PHF7: variants seen among roughly 807,000 people sequenced by gnomAD.
The protein encoded by PHF7 is E3 ubiquitin-protein ligase PHF7.
A neutral mutation model predicts 47.5 loss-of-function variants in PHF7; 24 were observed. That is an observed-to-expected ratio of 0.51 (90% confidence interval 0.37 to 0.71). PHF7 has a LOEUF of 0.71. Ranked by LOEUF, PHF7 falls within the 30% of genes least tolerant of loss-of-function variation. The probability of loss-of-function intolerance (pLI) is 0.00; values close to 1 mark genes in which losing one functional copy is unlikely to be tolerated. For missense variants in PHF7, 361 were observed against 456.8 expected (o/e 0.79, Z 1.91); for synonymous variants, 156 against 153.8 (o/e 1.01, Z -0.11).
rs955337421 is a variant in PHF7 at position 52,420,444 on chromosome 3, G to C, written c.413+9G>C. The C allele has an allele frequency of 1.2e-6, 2 of 1,613,806 alleles. No individual in the cohort carries two copies. Among genetic ancestry groups the C allele is most frequent in the Admixed American group, 3.3e-5 (2 of 59,974 alleles). On this transcript the variant is annotated intron_variant, in intron 6 of 10. Coordinates refer to ENST00000327906, the MANE Select transcript of PHF7 (RefSeq NM_016483.7). Reference sequence around the variant, plus strand: ...TTTTTTGGAGAGTACAAGTGAGTGAGGGAAGGGAAAAGTCTGGCTTCCTTT... The same window carrying C: ...TTTTTTGGAGAGTACAAGTGAGTGACGGAAGGGAAAAGTCTGGCTTCCTTT...
At position 52,420,763 on chromosome 3, in the gene PHF7, C is replaced by A. The variant is rs980986307; in HGVS notation, c.414-140C>A. ...AGCCGTGAGAAGGCATGTGGCAGTT[C>A]TTCACTCTGCCTCTCCTCTTCCCCA... is the stretch of plus-strand genomic sequence containing the variant. On this transcript the variant is annotated intron_variant, in intron 6 of 10. Transcript: ENST00000327906. 21 of 742,280 alleles carry A rather than the reference C, an allele frequency of 2.8e-5. No homozygotes were observed. The Admixed American group carries it at 5.6e-4, about 20-fold the overall frequency. 46.0% of individuals were successfully genotyped at this position (742,280 alleles called of 1,614,324 possible). A position where few individuals can be genotyped will look rare whatever the true frequency, so the allele number is the denominator to read the frequency against.
Position 52,422,865 on chromosome 3 carries a change from A to G in PHF7, c.903A>G (p.Ser301=), listed in dbSNP as rs766367415. The G allele has an allele frequency of 4.3e-6, 7 of 1,614,042 alleles. No individual in the cohort carries two copies. The change falls in exon 10 of 11, where the codon TCA becomes TCG. Residue 301 remains serine (S), a synonymous_variant. Coordinates refer to ENST00000327906, the MANE Select transcript of PHF7 (RefSeq NM_016483.7). ...NSKKWECEEC[S]PAAATDYIPE... ...AGAAATGGGAGTGTGAGGAGTGTTC[A>G]CCTGCTGCAGCCACAGGTGAGGCTG...
chr3:52,414,266 CA>C lies in PHF7; in HGVS notation c.95-221del, dbSNP rs3832250. 9.7e-4 allele frequency among the ~76,000 whole-genome samples: 146 copies of C among 149,904 alleles called. 2 individuals carry two copies. In the East Asian group the frequency reaches 0.024, roughly 25 times the overall value. On this transcript the variant is annotated intron_variant, in intron 3 of 10. Coordinates refer to ENST00000327906, the MANE Select transcript of PHF7 (RefSeq NM_016483.7). ...AAGTCACTTTAGAACAAAACAAAAC[CA>C]AAAAAAAATGAAGTGAGCAGTTGTG...
At chr3:52,419,148 C>T (rs897285871) in intron 4 of PHF7, among the ~76,000 whole-genome samples, 1 of 151,948 alleles carries the variant, frequency 6.6e-6, no homozygotes, top group Admixed American at 6.6e-5. Flanking sequence ...GGAAATGTTT[C>T]CCCCAAAGTC....
intron 1 of PHF7, among the ~76,000 whole-genome samples, chr3:52,411,733 A>G (rs1315140853): frequency 6.6e-6 from 1 of 152,220 alleles, no homozygotes; most frequent in Non-Finnish European, 1.5e-5. Context: ...CTCCCCGTTA[A>G]CCAGTGAAAC....
chr3:52,418,846 C>T (rs1258949136), intron 4 of PHF7, among the ~76,000 whole-genome samples: 3 of 149,682 alleles, frequency 2.0e-5, no homozygotes, highest in South Asian at 2.1e-4. Flanking sequence ...CTTGCTCTGT[C>T]GCCCAGGCTA....
In PHF7 at chr3:52,412,914, G is replaced by A. The variant is rs905444572; in HGVS notation, c.35G>A (p.Arg12Lys). Residue 12 changes from arginine to lysine, a missense_variant, in exon 2 of 11, where the codon AGA (arginine) becomes AAA (lysine). By Grantham distance (26) the Arg-to-Lys change is conservative. Coordinates refer to ENST00000327906, the MANE Select transcript of PHF7 (RefSeq NM_016483.7). Reference sequence around the variant, plus strand: ...GTAAAAGAAAAGAAGGAATGCCAGAGATTGAGGTAGAAGTAGTTGACATAG... The same window carrying A: ...GTAAAAGAAAAGAAGGAATGCCAGAAATTGAGGTAGAAGTAGTTGACATAG... ...KTVKEKKECQ[R>K]LRKSAKTRRV... 1.2e-6 allele frequency: 2 copies of A among 1,609,376 alleles called. No homozygotes were observed. Among genetic ancestry groups the A allele is most frequent in the African/African-American group, 1.3e-5 (1 of 74,974 alleles).
rs555836876 is a variant in PHF7 at position 52,419,864 on chromosome 3, A to T, written c.218A>T (p.Gln73Leu). ...ILSSKLPQRGQSNRGFHGFLP... is the reference protein window; with the variant it reads ...ILSSKLPQRGLSNRGFHGFLP... ...TCTAGTAAGCTGCCTCAGAGGGGCC[A>T]GTCCAACAGAGGCTTCCATGGATTT... Residue 73 changes from glutamine (Q) to leucine (L), a missense_variant, in exon 5 of 11, where the codon CAG becomes CTG. By Grantham distance (113) the Gln-to-Leu change is moderately radical. Coordinates refer to ENST00000327906, the MANE Select transcript of PHF7 (RefSeq NM_016483.7). The T allele has an allele frequency of 6.2e-7, 1 of 1,609,004 alleles. No homozygotes were observed.
rs1443133219 is a variant in PHF7 at position 52,412,843 on chromosome 3, T to C, written c.-37T>C. ...AGCCTGTATTGTCCTCACAATAGTA[T>C]AGAAGAATTCAAGAGAGGAGAGAGA... is the stretch of plus-strand genomic sequence containing the variant. On this transcript the variant is annotated 5_prime_UTR_variant, in exon 2 of 11. Transcript: ENST00000327906. 3 of 1,528,898 alleles carry C rather than the reference T, an allele frequency of 2.0e-6. No individual in the cohort carries two copies. The highest frequency in any genetic ancestry group is 2.3e-5 in the South Asian group (2 of 88,748). The allele number at this position is 1,528,898 out of a possible 1,614,324, so 94.7% of individuals were successfully genotyped here. A position where few individuals can be genotyped will look rare whatever the true frequency, so the allele number is the denominator to read the frequency against.
In PHF7 at chr3:52,410,727, G is replaced by C. The variant is rs1333017341; in HGVS notation, c.-590G>C. On this transcript the variant is annotated 5_prime_UTR_variant, in exon 1 of 11. Transcript: ENST00000327906. ...GGTAGCTACCACGGCCTGTGTCAAC[G>C]ACTAAAGCTCCAGTACAGCGGCGCC... 6.6e-6 allele frequency: 1 copy of C among 152,530 alleles called. No individual in the cohort carries two copies. Among genetic ancestry groups the C allele is most frequent in the Non-Finnish European group, 1.5e-5 (1 of 68,086 alleles). 9.4% of individuals were successfully genotyped at this position (152,530 alleles called of 1,614,324 possible). A position where few individuals can be genotyped will look rare whatever the true frequency, so the allele number is the denominator to read the frequency against.
In PHF7 at chr3:52,421,733, T is replaced by C. The variant is rs770007395; in HGVS notation, c.659T>C (p.Met220Thr). 1.3e-6 allele frequency: 2 copies of C among 1,593,212 alleles called. No homozygotes were observed. The highest frequency in any genetic ancestry group is 4.5e-5 in the East Asian group (2 of 44,768). ...GAGTTTCCTCAAGAAATGCTGAGAA[T>C]GGGAATTCATATTCCAGACAGGTAG... ...RKEFPQEMLR[M>T]GIHIPDRDAA... The change falls in exon 8 of 11, where the codon ATG (methionine) becomes ACG (threonine). Residue 220 changes from methionine (M) to threonine (T), a missense_variant. By Grantham distance (81) the Met-to-Thr change is moderately conservative. Coordinates refer to ENST00000327906, the MANE Select transcript of PHF7 (RefSeq NM_016483.7).
chr3:52,419,871 C>G lies in PHF7; in HGVS notation c.225C>G (p.Asn75Lys). The change falls in exon 5 of 11, where the codon AAC becomes AAG. Residue 75 changes from asparagine (N) to lysine (K), a missense_variant. By Grantham distance (94) the Asn-to-Lys change is moderately conservative. Coordinates refer to ENST00000327906, the MANE Select transcript of PHF7 (RefSeq NM_016483.7). Reference sequence around the variant, plus strand: ...AGCTGCCTCAGAGGGGCCAGTCCAACAGAGGCTTCCATGGATTTCTGCCTG... The same window carrying G: ...AGCTGCCTCAGAGGGGCCAGTCCAAGAGAGGCTTCCATGGATTTCTGCCTG... ...SSKLPQRGQS[N>K]RGFHGFLPED... 1 of 1,610,036 alleles carries G rather than the reference C, an allele frequency of 6.2e-7. No individual in the cohort carries two copies. The highest frequency in any genetic ancestry group is 8.5e-7 in the Non-Finnish European group (1 of 1,177,758).
chr3:52,418,426 A>G (rs996545781), intron 4 of PHF7, among the ~76,000 whole-genome samples: 1 of 152,216 alleles, frequency 6.6e-6, no homozygotes, highest in Admixed American at 6.5e-5. Flanking sequence ...TATTAAATCA[A>G]TACATGCTTA....
At chr3:52,413,695 C>T (rs1349980002) in intron 2 of PHF7, among the ~76,000 whole-genome samples, 2 of 152,096 alleles carry the variant, frequency 1.3e-5, no homozygotes, top group African/African-American at 2.4e-5. Flanking sequence ...ATTAGCTGGG[C>T]GTGGTGACAG....
rs182052065 is a variant in PHF7 at position 52,416,444 on chromosome 3, A to G, written c.186+1857A>G. Among the ~76,000 whole-genome samples, 585 of 149,772 alleles carry G rather than the reference A, an allele frequency of 3.9e-3. 4 individuals carry two copies. The highest frequency in any genetic ancestry group is 0.025 in the South Asian group (113 of 4,590). On this transcript the variant is annotated intron_variant, in intron 4 of 10. Transcript: ENST00000327906. ...CGTGATCTGCCCACCTCGGCCTCCC[A>G]AAGTGCTGGGATTACAGGCGTGAGC... is the stretch of plus-strand genomic sequence containing the variant.
intron 5 of PHF7, 161 bp downstream of exon 5, chr3:52,420,095 G>A (rs554585650): frequency 2.0e-5 from 15 of 749,896 alleles, no homozygotes; most frequent in East Asian, 1.1e-4. Context: ...GGGTATGGGT[G>A]TCCTAAGTGA....
Position 52,423,320 on chromosome 3 carries a change from C to T in PHF7, c.*3C>T. 6.3e-7 allele frequency: 1 copy of T among 1,585,336 alleles called. No individual in the cohort carries two copies. On this transcript the variant is annotated 3_prime_UTR_variant, in exon 11 of 11. Transcript: ENST00000327906. ...ACAGCTGCAAAAAATCCAAGTAACA[C>T]CTTCTGAGTAGCTGCTGTCCCACAC... is the stretch of plus-strand genomic sequence containing the variant.
At chr3:52,415,774 C>G (rs1705604678) in intron 4 of PHF7, among the ~76,000 whole-genome samples, 1 of 152,198 alleles carries the variant, frequency 6.6e-6, no homozygotes, top group Admixed American at 6.5e-5. Flanking sequence ...ATTTGCTTAT[C>G]TGTTCACCTG....
Position 52,422,343 on chromosome 3 carries a change from G to A in PHF7, c.797+5G>A. 6.4e-7 allele frequency: 1 copy of A among 1,567,346 alleles called. No individual in the cohort carries two copies. ...AGACAGCTTTGAGGATGAAGGGTAG[G>A]GGAAGGCTTCTGGCTAGAAAGAGCT... On this transcript the variant is annotated splice_donor_5th_base_variant and intron_variant, in intron 9 of 10. Transcript: ENST00000327906.
Sources: allele counts gnomAD v4.1 joint callset (sites outside exome capture counted in the v4.1 genomes callset), GRCh38; gene constraint gnomAD v4.1.1; transcripts MANE v1.5; gene names NCBI Gene and HGNC (gene_info 2026-07-23, HGNC 2026-07-21).